The following MTHFD1L variants were observed in gnomAD, a reference collection of about 807,000 sequenced individuals.
MTHFD1L encodes the protein methylenetetrahydrofolate dehydrogenase (NADP+ dependent) 1 like, also known as monofunctional C1-tetrahydrofolate synthase, mitochondrial.
In MTHFD1L, 81 loss-of-function variants were observed where a neutral mutation model predicts 119.5. The observed-to-expected ratio is 0.68, with a 90% CI of 0.57 to 0.82. The LOEUF (loss-of-function observed/expected upper bound fraction) is 0.82. MTHFD1L is among the 40% of genes least tolerant of loss of function. MTHFD1L has a pLI of 0.00. For synonymous variants in MTHFD1L, 430 were observed against 475.2 expected (o/e 0.90, Z 1.24); for missense variants, 1,125 against 1,253.4 (o/e 0.90, Z 1.55).
chr6:150,921,439 A>G (rs1438068359), intron 9 of MTHFD1L, among the ~76,000 whole-genome samples: 1 of 151,630 alleles, frequency 6.6e-6, no homozygotes, highest in Non-Finnish European at 1.5e-5. Flanking sequence ...TTTAGTAGAG[A>G]CAGGGTTTCA....
At chr6:150,895,179 ACT>A (rs1784016514) in intron 7 of MTHFD1L, among the ~76,000 whole-genome samples, 1 of 152,034 alleles carries the variant, frequency 6.6e-6, no homozygotes, top group African/African-American at 2.4e-5. Flanking sequence ...TGTTGGTTTC[ACT>A]CTCAGGAATG....
At chr6:150,996,402 C>T (rs1383464022) in intron 20 of MTHFD1L, among the ~76,000 whole-genome samples, 1 of 151,802 alleles carries the variant, frequency 6.6e-6, no homozygotes, top group Non-Finnish European at 1.5e-5. Context: ...CTCCTGGGCT[C>T]AAGTGATCTT....
chr6:151,069,025 T>G (rs1226094173), intron 26 of MTHFD1L, among the ~76,000 whole-genome samples: 1 of 152,190 alleles, frequency 6.6e-6, no homozygotes, highest in African/African-American at 2.4e-5. Context: ...ATGGTATCGT[T>G]TTATTGCAGT....
intron 6 of MTHFD1L, among the ~76,000 whole-genome samples, chr6:150,886,885 A>G (rs1782397604): frequency 6.6e-6 from 1 of 151,600 alleles, no homozygotes. Context: ...AGTCCCGGCT[A>G]CTTGGGAGGC....
intron 26 of MTHFD1L, among the ~76,000 whole-genome samples, chr6:151,047,731 C>T (rs577691640): frequency 3.9e-5 from 6 of 152,158 alleles, no homozygotes; most frequent in African/African-American, 9.7e-5. Context: ...CTGTACCTTC[C>T]GTCATCCAGT....
At chr6:150,898,142 C>G (rs1366539598) in intron 7 of MTHFD1L, among the ~76,000 whole-genome samples, 1 of 152,176 alleles carries the variant, frequency 6.6e-6, no homozygotes, top group Non-Finnish European at 1.5e-5. Context: ...CCGCGCCTGG[C>G]CAGTATTAGA....
chr6:150,866,668 G>A (rs1404949915), intron 1 of MTHFD1L: 9 of 1,184,038 alleles, frequency 7.6e-6, no homozygotes, highest in Middle Eastern at 3.3e-4. Context: ...GCCGCCGGGG[G>A]GAATCCGAGA....
At chr6:151,009,554 T>C (rs1584104969) in intron 20 of MTHFD1L, among the ~76,000 whole-genome samples, 4 of 150,814 alleles carry the variant, frequency 2.7e-5, no homozygotes, top group Admixed American at 1.3e-4. Flanking sequence ...AGCTTCACTG[T>C]GAGTTATGAT....
At chr6:151,075,001 A>G (rs1386722298) in intron 26 of MTHFD1L, among the ~76,000 whole-genome samples, 1 of 152,238 alleles carries the variant, frequency 6.6e-6, no homozygotes, top group African/African-American at 2.4e-5. Flanking sequence ...TAACCTTGTT[A>G]TAGTTAACAA....
intron 21 of MTHFD1L, 133 bp from the exon 22 acceptor site, chr6:151,013,646 C>A: frequency 1.2e-6 from 1 of 818,948 alleles, no homozygotes; most frequent in Non-Finnish European, 2.0e-6. Flanking sequence ...GTGCTGCCAG[C>A]TACTGTTTTA....
chr6:151,043,593 G>A (rs148719144), intron 26 of MTHFD1L, among the ~76,000 whole-genome samples: 58 of 152,298 alleles, frequency 3.8e-4, no homozygotes, highest in African/African-American at 1.3e-3. Flanking sequence ...GTCCGACCAA[G>A]TTGGAATTCA....
chr6:151,033,339 T>C (rs1350022964), intron 24 of MTHFD1L, among the ~76,000 whole-genome samples: 2 of 152,024 alleles, frequency 1.3e-5, no homozygotes, highest in Non-Finnish European at 2.9e-5. Context: ...ACGCTGATCT[T>C]GAACACCTGA....
chr6:150,900,236 T>G (rs548923989), intron 7 of MTHFD1L, among the ~76,000 whole-genome samples: 2 of 152,056 alleles, frequency 1.3e-5, no homozygotes, highest in Non-Finnish European at 2.9e-5. Flanking sequence ...AAAGTGTATT[T>G]TTTGCTTTTA....
At chr6:150,947,644 A>G (rs1794202068) in intron 15 of MTHFD1L, among the ~76,000 whole-genome samples, 1 of 151,782 alleles carries the variant, frequency 6.6e-6, no homozygotes, top group African/African-American at 2.4e-5. Flanking sequence ...GGAATAACTT[A>G]CTTTGAAACA....
intron 26 of MTHFD1L, 60 bp from the exon 27 acceptor site, chr6:151,092,407 C>A: frequency 7.7e-7 from 1 of 1,299,064 alleles, no homozygotes; most frequent in Non-Finnish European, 1.1e-6. Flanking sequence ...TTTGCATCAT[C>A]AGATGTTGTG....
At position 150,932,025 on chromosome 6, in the gene MTHFD1L, G is replaced by T. The variant is rs571637021; in HGVS notation, c.1257-4779G>T. Among the ~76,000 whole-genome samples, 18 of 152,062 alleles carry T rather than the reference G, an allele frequency of 1.2e-4. 3 individuals are homozygous for T. Among genetic ancestry groups the T allele is most frequent in the East Asian group, 7.8e-4 (4 of 5,148 alleles). The stretch of plus-strand genomic sequence containing the variant: ...AAAAATACAAAAATTAGCTGGGCAT[G>T]GTGATGGGTGCCTGTAATCCCAGCT... On this transcript the variant is annotated intron_variant, in intron 11 of 27. Transcript: ENST00000367321.
chr6:150,887,734 G>A, intron 6 of MTHFD1L, 111 bp from the exon 7 acceptor site: 1 of 1,176,244 alleles, frequency 8.5e-7, no homozygotes, highest in South Asian at 2.0e-5. Context: ...TGGAATTATA[G>A]GCATGAGCCA....
chr6:150,887,005 AAAAAG>A (rs1389821136), intron 6 of MTHFD1L, among the ~76,000 whole-genome samples: 5 of 151,692 alleles, frequency 3.3e-5, no homozygotes, highest in Admixed American at 2.6e-4. Context: ...AAAAAAAAAA[AAAAAG>A]AAAAGAAAAA....
chr6:150,878,077 G>A (rs554691675), intron 4 of MTHFD1L, among the ~76,000 whole-genome samples: 4 of 152,316 alleles, frequency 2.6e-5, no homozygotes, highest in South Asian at 2.1e-4. Context: ...AGCTGCGGTG[G>A]CAGCGTCATC....
Sources: gnomAD v4.1 joint callset for allele counts (sites outside exome capture counted in the v4.1 genomes callset) on GRCh38, gnomAD v4.1.1 for gene constraint, MANE v1.5 for transcripts, NCBI Gene and HGNC (gene_info 2026-07-23, HGNC 2026-07-21) for gene names.